DUSP6: variants seen among roughly 807,000 people sequenced by gnomAD.
The protein encoded by DUSP6 is dual specificity phosphatase 6.
Under a neutral mutation model 28.0 loss-of-function variants are expected in DUSP6, and 6 were observed. The ratio of observed to expected loss-of-function variants is 0.21; its 90% CI spans 0.12 to 0.42. The LOEUF is 0.42. DUSP6 is among the 10% of genes least tolerant of loss of function. The probability of loss-of-function intolerance (pLI) is 1.00; values close to 1 mark genes in which losing one functional copy is unlikely to be tolerated. For synonymous variants in DUSP6, 252 were observed against 217.5 expected (o/e 1.16, Z -1.40); for missense variants, 451 against 498.1 (o/e 0.91, Z 0.90).
intron 2 of DUSP6, among the ~76,000 whole-genome samples, chr12:89,350,234 T>C (rs1400162399): frequency 6.6e-6 from 1 of 152,206 alleles, no homozygotes; most frequent in African/African-American, 2.4e-5. Context: ...GTTTTTAAAT[T>C]ATAAAGCAAT....
In DUSP6 at chr12:89,352,066, G is replaced by A. The variant is rs1191619866; in HGVS notation, c.-27C>T. 1.2e-5 allele frequency: 19 copies of A among 1,597,570 alleles called. No individual in the cohort carries two copies. The highest frequency in any genetic ancestry group is 1.5e-5 in the Non-Finnish European group (18 of 1,168,938). On this transcript the variant is annotated 5_prime_UTR_variant, in exon 1 of 3. Transcript: ENST00000279488. ...GGGGTCGAGCTGCGGGAGAGGGCGGGGTGCCTACCAGACGCCCCTCGGGGC... is the reference window on the plus strand; with the variant it reads ...GGGGTCGAGCTGCGGGAGAGGGCGGAGTGCCTACCAGACGCCCCTCGGGGC...
rs768943307 is a variant in DUSP6 at position 89,349,210 on chromosome 12, CTGAAGGGCCAGA to C, written c.*32_*43del. ...CAGCTGATGCTGCCAAGAGAAACTGCTGAAGGGCCAGACACATTCCAGCAAGGAGGGGTGTGG... is the reference window on the plus strand; with the variant it reads ...CAGCTGATGCTGCCAAGAGAAACTGCCACATTCCAGCAAGGAGGGGTGTGG... On this transcript the variant is annotated 3_prime_UTR_variant, in exon 3 of 3. Transcript: ENST00000279488. 6.4e-7 allele frequency: 1 copy of C among 1,561,288 alleles called. No homozygotes were observed. Among genetic ancestry groups the C allele is most frequent in the East Asian group, 2.3e-5 (1 of 44,316 alleles).
rs1216338471 is a variant in DUSP6, at chr12:89,351,016, C to A, written c.410G>T (p.Ser137Ile). ...CRAFYLEGGF[S>I]KFQAEFSLHC... Reference sequence around the variant, plus strand: ...CAGGGAGAACTCGGCTTGGAACTTACTGAAGCCACCTGCCAGAACGAGAAA... The same window carrying A: ...CAGGGAGAACTCGGCTTGGAACTTAATGAAGCCACCTGCCAGAACGAGAAA... Residue 137 changes from serine (S) to isoleucine (I), a missense_variant, in exon 2 of 3, where the codon AGT (serine) becomes ATT (isoleucine). Around this residue, in one of 2 missense-constraint regions of DUSP6, gnomAD observed 347 missense variants for 346.6 expected, o/e 1.00. Transcript: ENST00000279488. 1.3e-6 allele frequency: 2 copies of A among 1,587,822 alleles called. No homozygotes were observed. Among genetic ancestry groups the A allele is most frequent in the East Asian group, 2.3e-5 (1 of 44,186 alleles).
Position 89,352,183 on chromosome 12 carries a change from G to A in DUSP6, c.-144C>T. On this transcript the variant is annotated 5_prime_UTR_variant, in exon 1 of 3. Coordinates refer to ENST00000279488, the MANE Select transcript of DUSP6 (RefSeq NM_001946.4). ...CTTACCCAAGCCGAGGCTAGCGGTT[G>A]GGGCAGACGAGACAGAAGTAAAGCC... 1 of 1,289,818 alleles carries A rather than the reference G, an allele frequency of 7.8e-7. No individual in the cohort carries two copies. The highest frequency in any genetic ancestry group is 1.1e-6 in the Non-Finnish European group (1 of 946,582). The allele number at this position is 1,289,818 out of a possible 1,614,324, so 79.9% of individuals were successfully genotyped here.
rs574368428 is a variant in DUSP6 at position 89,350,552 on chromosome 12, T to A, written c.838+36A>T. 5.1e-6 allele frequency: 8 copies of A among 1,582,492 alleles called. No homozygotes were observed. In the South Asian group the frequency reaches 9.1e-5, roughly 18 times the overall value. The stretch of plus-strand genomic sequence containing the variant: ...CTATGAATGGCTAGGAATTTTGCAT[T>A]TAAATGTCAGAGCGACGACTATTAA... On this transcript the variant is annotated intron_variant, in intron 2 of 2. Coordinates refer to ENST00000279488, the MANE Select transcript of DUSP6 (RefSeq NM_001946.4).
At position 89,351,038 on chromosome 12, in the gene DUSP6, G is replaced by T; in HGVS notation, c.401-13C>A. ...TTACTGAAGCCACCTGCCAGAACGA[G>T]AAAAGCAATCATCTAACCTGAGAAG... On this transcript the variant is annotated splice_polypyrimidine_tract_variant and intron_variant, in intron 1 of 2. Transcript: ENST00000279488. 6.4e-7 allele frequency: 1 copy of T among 1,567,186 alleles called. No homozygotes were observed. Among genetic ancestry groups the T allele is most frequent in the South Asian group, 1.1e-5 (1 of 87,322 alleles).
At chr12:89,351,618 G>C (rs533891390) in intron 1 of DUSP6, 22 bp downstream of exon 1, 2 of 1,578,444 alleles carry the variant, frequency 1.3e-6, no homozygotes, top group African/African-American at 2.7e-5. Context: ...TGCCCCGCGC[G>C]CGGAGTTCCC....
intron 2 of DUSP6, 87 bp from the exon 3 acceptor site, chr12:89,349,648 A>G: frequency 4.3e-6 from 4 of 922,132 alleles, no homozygotes; most frequent in Non-Finnish European, 6.5e-6. Flanking sequence ...ACTTGAAAAC[A>G]TAATAATAAT....
intron 1 of DUSP6, 130 bp downstream of exon 1, chr12:89,351,510 G>A: frequency 1.4e-6 from 2 of 1,396,868 alleles, no homozygotes; most frequent in South Asian, 3.1e-5. Flanking sequence ...GCCGGCTGCC[G>A]GTCCCTAGGC....
At position 89,349,057 on chromosome 12, in the gene DUSP6, C is replaced by T; in HGVS notation, c.*197G>A. The T allele has an allele frequency of 1.6e-6, 1 of 608,316 alleles. No individual in the cohort carries two copies. Among genetic ancestry groups the T allele is most frequent in the Non-Finnish European group, 2.9e-6 (1 of 349,596 alleles). 37.7% of individuals were successfully genotyped at this position (608,316 alleles called of 1,614,324 possible). A position where few individuals can be genotyped will look rare whatever the true frequency, so the allele number is the denominator to read the frequency against. On this transcript the variant is annotated 3_prime_UTR_variant, in exon 3 of 3. Coordinates refer to ENST00000279488, the MANE Select transcript of DUSP6 (RefSeq NM_001946.4). The stretch of plus-strand genomic sequence containing the variant: ...ACTGCCTGTATCTATACAGCATGTC[C>T]TGTTATTCCAAAGAGAATGGAGCAA...
Position 89,347,860 on chromosome 12 carries a change from T to C in DUSP6, c.*1394A>G, listed in dbSNP as rs986386897. 3 of 152,176 alleles carry C rather than the reference T, an allele frequency of 2.0e-5. No homozygotes were observed. The highest frequency in any genetic ancestry group is 3.8e-4 in the East Asian group (2 of 5,200). The allele number at this position is 152,176 out of a possible 1,614,324, so 9.4% of individuals were successfully genotyped here. Reference sequence around the variant, plus strand: ...TAAGAGGTATTGTTCATATACACGGTACAGTCGGTCCATTCTAGGATGTCA... The same window carrying C: ...TAAGAGGTATTGTTCATATACACGGCACAGTCGGTCCATTCTAGGATGTCA... On this transcript the variant is annotated 3_prime_UTR_variant, in exon 3 of 3. Coordinates refer to ENST00000279488, the MANE Select transcript of DUSP6 (RefSeq NM_001946.4).
At chr12:89,351,350 T>C (rs1879180387) in intron 1 of DUSP6, 1 of 583,224 alleles carries the variant, frequency 1.7e-6, no homozygotes, top group East Asian at 3.0e-5. Flanking sequence ...AATCGAACGA[T>C]AGAAAACAGG....
intron 2 of DUSP6, among the ~76,000 whole-genome samples, chr12:89,349,898 C>CTA (rs1879123000): frequency 6.6e-6 from 1 of 152,180 alleles, no homozygotes; most frequent in Admixed American, 6.5e-5. Context: ...CTGCAAGGGT[C>CTA]TATTAAATTA....
rs1879233149 is a variant in DUSP6, at chr12:89,352,296, C to T, written c.-257G>A. ...GAAGCTGCCCAGATAGTTTTTGTTC[C>T]TCCCCAGTGAATGAAATCCAATTAA... is the stretch of plus-strand genomic sequence containing the variant. On this transcript the variant is annotated 5_prime_UTR_variant, in exon 1 of 3. Coordinates refer to ENST00000279488, the MANE Select transcript of DUSP6 (RefSeq NM_001946.4). 1 of 537,970 alleles carries T rather than the reference C, an allele frequency of 1.9e-6. No individual in the cohort carries two copies. The highest frequency in any genetic ancestry group is 3.3e-6 in the Non-Finnish European group (1 of 304,254). 33.3% of individuals were successfully genotyped at this position (537,970 alleles called of 1,614,324 possible). A position where few individuals can be genotyped will look rare whatever the true frequency, so the allele number is the denominator to read the frequency against.
In DUSP6 at chr12:89,348,642, T is replaced by C. The variant is rs1035121402; in HGVS notation, c.*612A>G. The C allele has an allele frequency of 6.6e-6, 1 of 152,668 alleles. No individual in the cohort carries two copies. The highest frequency in any genetic ancestry group is 2.4e-5 in the African/African-American group (1 of 41,470). 9.5% of individuals were successfully genotyped at this position (152,668 alleles called of 1,614,324 possible). On this transcript the variant is annotated 3_prime_UTR_variant, in exon 3 of 3. Transcript: ENST00000279488. ...TTTTCTTTTTTTGTTTTGTTCTGTT[T>C]TAAGAAGTGGCATACTGCTCTTTCT...
rs777040518 is a variant in DUSP6 at position 89,349,218 on chromosome 12, CCAGA to C, written c.*32_*35del. On this transcript the variant is annotated 3_prime_UTR_variant, in exon 3 of 3. Coordinates refer to ENST00000279488, the MANE Select transcript of DUSP6 (RefSeq NM_001946.4). Reference sequence around the variant, plus strand: ...GCTGCCAAGAGAAACTGCTGAAGGGCCAGACACATTCCAGCAAGGAGGGGTGTGG... The same window carrying C: ...GCTGCCAAGAGAAACTGCTGAAGGGCCACATTCCAGCAAGGAGGGGTGTGG... The C allele has an allele frequency of 1.9e-6, 3 of 1,578,248 alleles. No individual in the cohort carries two copies. The highest frequency in any genetic ancestry group is 1.2e-5 in the South Asian group (1 of 86,036).
intron 1 of DUSP6, 102 bp downstream of exon 1, chr12:89,351,538 A>G: frequency 7.0e-7 from 1 of 1,431,674 alleles, no homozygotes; most frequent in Non-Finnish European, 9.2e-7. Context: ...GCGGCTCCGA[A>G]GCTCCAGCTG....
Position 89,351,787 on chromosome 12 carries a change from G to C in DUSP6, c.253C>G (p.Arg85Gly), listed in dbSNP as rs767725122. 1 of 1,610,076 alleles carries C rather than the reference G, an allele frequency of 6.2e-7. No individual in the cohort carries two copies. The highest frequency in any genetic ancestry group is 1.1e-5 in the South Asian group (1 of 90,696). The change falls in exon 1 of 3, where the codon CGC becomes GGC. Residue 85 changes from arginine (R) to glycine (G), a missense_variant. This residue lies in a region of DUSP6 where 347 missense variants were observed against 346.6 expected (regional missense o/e 1.00). Transcript: ENST00000279488. ...ALFTRGEDRD[R>G]FTRRCGTDTV... ...TCGGTGCCACAGCGCCGGGTGAAGCGGTCCCGGTCCTCGCCGCGCGTGAAG... is the reference window on the plus strand; with the variant it reads ...TCGGTGCCACAGCGCCGGGTGAAGCCGTCCCGGTCCTCGCCGCGCGTGAAG...
Position 89,350,873 on chromosome 12 carries a change from C to A in DUSP6, c.553G>T (p.Asp185Tyr), listed in dbSNP as rs1161713311. ...DSSSDIESDL[D>Y]RDPNSATDSD... is the part of the protein sequence containing the mutation. ...TCTGTTGCACTATTGGGGTCTCGGTCAAGGTCAGACTCGATGTCCGAGGAA... is the reference window on the plus strand; with the variant it reads ...TCTGTTGCACTATTGGGGTCTCGGTAAAGGTCAGACTCGATGTCCGAGGAA... The change falls in exon 2 of 3, where the codon GAC becomes TAC. Residue 185 changes from aspartate (D) to tyrosine (Y), a missense_variant. Physicochemically the swap from Asp to Tyr is radical, Grantham distance 160. Coordinates refer to ENST00000279488, the MANE Select transcript of DUSP6 (RefSeq NM_001946.4). 1.2e-6 allele frequency: 2 copies of A among 1,613,812 alleles called. No individual in the cohort carries two copies. Among genetic ancestry groups the A allele is most frequent in the African/African-American group, 1.3e-5 (1 of 74,870 alleles).
Sources: allele counts gnomAD v4.1 joint callset (sites outside exome capture counted in the v4.1 genomes callset), GRCh38; gene constraint gnomAD v4.1.1; regional missense constraint gnomAD v4.1.1; transcripts MANE v1.5; gene names NCBI Gene and HGNC (gene_info 2026-07-23, HGNC 2026-07-21).